RBMS2: variants seen among roughly 807,000 people sequenced by gnomAD.
The protein encoded by RBMS2 is RNA binding motif single stranded interacting protein 2.
RBMS2 carries 38 observed loss-of-function variants against 58.4 expected under a neutral mutation model. The ratio of observed to expected loss-of-function variants is 0.65; its 90% CI spans 0.50 to 0.85. The LOEUF (loss-of-function observed/expected upper bound fraction) is 0.85, where lower values mean the gene tolerates loss of function less well. Ranked by LOEUF, RBMS2 falls within the 40% of genes least tolerant of loss-of-function variation. RBMS2 has a pLI of 0.00. For missense variants in RBMS2, 367 were observed against 503.7 expected (o/e 0.73, Z 2.60); for synonymous variants, 151 against 180.7 (o/e 0.84, Z 1.32).
At chr12:56,575,352 A>G (rs1222839530) in intron 5 of RBMS2, among the ~76,000 whole-genome samples, 1 of 151,954 alleles carries the variant, frequency 6.6e-6, no homozygotes, top group African/African-American at 2.4e-5. Context: ...TGGGAGGATC[A>G]CCTGAGCCCA....
In RBMS2 at chr12:56,594,522, T is replaced by C. The variant is rs1885560946; in HGVS notation, c.*5389T>C. ...CCTGATTCCCGTTTAAACCAACTAC[T>C]CTATTTCTGTGCTGCCTACATTTTC... On this transcript the variant is annotated 3_prime_UTR_variant, in exon 14 of 14. Transcript: ENST00000262031. 6.6e-6 allele frequency: 1 copy of C among 152,192 alleles called. No individual in the cohort carries two copies. Among genetic ancestry groups the C allele is most frequent in the Non-Finnish European group, 1.5e-5 (1 of 68,036 alleles). The allele number at this position is 152,192 out of a possible 1,614,324, so 9.4% of individuals were successfully genotyped here.
At chr12:56,539,579 A>G (rs927255306) in intron 1 of RBMS2, 4 of 373,544 alleles carry the variant, frequency 1.1e-5, no homozygotes, top group African/African-American at 8.7e-5. Flanking sequence ...TCCTTTGTTC[A>G]ATTTTTGTTT....
intron 1 of RBMS2, among the ~76,000 whole-genome samples, chr12:56,551,033 A>G (rs1416864250): frequency 6.7e-6 from 1 of 148,490 alleles, no homozygotes; most frequent in Non-Finnish European, 1.5e-5. Flanking sequence ...CAGGAGGATC[A>G]CTTGAGCCCA....
chr12:56,587,769 G>A, intron 11 of RBMS2, 105 bp downstream of exon 11: 2 of 1,401,306 alleles, frequency 1.4e-6, no homozygotes, highest in Non-Finnish European at 1.9e-6. Flanking sequence ...AATTACTTCA[G>A]TGTCATCCGG....
chr12:56,562,619 C>T (rs757043537), intron 2 of RBMS2, 36 bp downstream of exon 2: 1 of 1,593,230 alleles, frequency 6.3e-7, no homozygotes, highest in Admixed American at 1.7e-5. Context: ...CTTCCAGGGA[C>T]AGTATAGATT....
rs1445847057 is a variant in RBMS2, at chr12:56,595,418, TA to T, written c.*6286del. The T allele has an allele frequency of 6.6e-6, 1 of 152,140 alleles. No individual in the cohort carries two copies. The highest frequency in any genetic ancestry group is 1.5e-5 in the Non-Finnish European group (1 of 68,022). 9.4% of individuals were successfully genotyped at this position (152,140 alleles called of 1,614,324 possible). A position where few individuals can be genotyped will look rare whatever the true frequency, so the allele number is the denominator to read the frequency against. On this transcript the variant is annotated 3_prime_UTR_variant, in exon 14 of 14. Coordinates refer to ENST00000262031, the MANE Select transcript of RBMS2 (RefSeq NM_002898.4). The stretch of plus-strand genomic sequence containing the variant: ...TATACTTAAACAGACATATTTTGCA[TA>T]TTTTTATCTGGAGACTTCTTCTAGT...
Position 56,587,423 on chromosome 12 carries a change from G to A in RBMS2, c.952-131G>A, listed in dbSNP as rs1884824443. 6 of 896,788 alleles carry A rather than the reference G, an allele frequency of 6.7e-6. No individual in the cohort carries two copies. The East Asian group carries it at 1.4e-4, about 20-fold the overall frequency. 55.6% of individuals were successfully genotyped at this position (896,788 alleles called of 1,614,324 possible). A position where few individuals can be genotyped will look rare whatever the true frequency, so the allele number is the denominator to read the frequency against. On this transcript the variant is annotated intron_variant, in intron 10 of 13. Coordinates refer to ENST00000262031, the MANE Select transcript of RBMS2 (RefSeq NM_002898.4). ...GTTCCTATTCTTGTTGCATAGTTGGGTTGCTGCTCACTTACCATTTCCCAG... is the reference window on the plus strand; with the variant it reads ...GTTCCTATTCTTGTTGCATAGTTGGATTGCTGCTCACTTACCATTTCCCAG...
At chr12:56,574,916 A>G (rs1334266354) in intron 5 of RBMS2, among the ~76,000 whole-genome samples, 2 of 152,188 alleles carry the variant, frequency 1.3e-5, no homozygotes, top group African/African-American at 4.8e-5. Context: ...TGGGAGGCCG[A>G]GGCGGGCGGA....
At position 56,595,643 on chromosome 12, in the gene RBMS2, G is replaced by A. The variant is rs1025768154; in HGVS notation, c.*6510G>A. The A allele has an allele frequency of 1.3e-5, 2 of 151,918 alleles. No homozygotes were observed. Among genetic ancestry groups the A allele is most frequent in the African/African-American group, 4.8e-5 (2 of 41,322 alleles). The allele number at this position is 151,918 out of a possible 1,614,324, so 9.4% of individuals were successfully genotyped here. ...CGTGAGTGGGAAGTGGTAAGCTGGT[G>A]ATGGTCCCATATTTGCTATGACAGG... On this transcript the variant is annotated 3_prime_UTR_variant, in exon 14 of 14. Coordinates refer to ENST00000262031, the MANE Select transcript of RBMS2 (RefSeq NM_002898.4).
chr12:56,551,931 T>C (rs977008200), intron 1 of RBMS2, among the ~76,000 whole-genome samples: 10 of 152,022 alleles, frequency 6.6e-5, no homozygotes, highest in African/African-American at 2.4e-4. Flanking sequence ...CTACTAAAAA[T>C]ACAAAACTTA....
At chr12:56,588,089 G>A (rs2136606588) in intron 11 of RBMS2, among the ~76,000 whole-genome samples, 1 of 152,270 alleles carries the variant, frequency 6.6e-6, no homozygotes, top group African/African-American at 2.4e-5. Context: ...GGAAAGAGGA[G>A]GAAAATAAGT....
chr12:56,582,008 T>C (rs1884025564), intron 8 of RBMS2, 51 bp from the exon 9 acceptor site: 2 of 1,565,418 alleles, frequency 1.3e-6, no homozygotes, highest in African/African-American at 1.4e-5. Flanking sequence ...GTTGGGACCC[T>C]TCCCTTGTGG....
intron 1 of RBMS2, among the ~76,000 whole-genome samples, chr12:56,542,561 T>C (rs1305478729): frequency 2.7e-5 from 4 of 150,814 alleles, no homozygotes; most frequent in South Asian, 2.1e-4. Flanking sequence ...TCTTTTTTTT[T>C]TTTTTTATTC....
chr12:56,535,464 C>G (rs1692129997), intron 1 of RBMS2, among the ~76,000 whole-genome samples: 2 of 138,970 alleles, frequency 1.4e-5, no homozygotes, highest in African/African-American at 5.3e-5. Context: ...CACTGCACTC[C>G]AGCCTGGGTG....
Position 56,568,983 on chromosome 12 carries a change from AG to A in RBMS2, c.243del (p.Ile82LeufsTer21), listed in dbSNP as rs760089361. 6.2e-7 allele frequency: 1 copy of A among 1,611,662 alleles called. No homozygotes were observed. The highest frequency in any genetic ancestry group is 2.2e-5 in the East Asian group (1 of 44,866). On this transcript the variant is annotated frameshift_variant, in exon 3 of 14. Transcript: ENST00000262031. LOFTEE classifies it high-confidence loss of function. Reference protein sequence around the residue: ...DLVKLCQPYGKIVSTKAILDK... With the variant: ...DLVKLCQPYGXIVSTKAILDK... Reference sequence around the variant, plus strand: ...ATTTTCCTCTCCCTTAGATATGGCAAGATTGTTTCCACTAAGGCCATACTGG... The same window carrying A: ...ATTTTCCTCTCCCTTAGATATGGCAAATTGTTTCCACTAAGGCCATACTGG...
chr12:56,537,140 T>C (rs1312218256), intron 1 of RBMS2, among the ~76,000 whole-genome samples: 2 of 151,948 alleles, frequency 1.3e-5, no homozygotes, highest in Middle Eastern at 3.2e-3. Flanking sequence ...AGGCTGGCCT[T>C]GAACTCCTGA....
At chr12:56,527,569 G>A (rs1346325976) in intron 1 of RBMS2, among the ~76,000 whole-genome samples, 3 of 151,976 alleles carry the variant, frequency 2.0e-5, no homozygotes, top group African/African-American at 4.8e-5. Context: ...CCGAGATCGC[G>A]CCATTGCACT....
Position 56,592,697 on chromosome 12 carries a change from G to A in RBMS2, c.*3564G>A, listed in dbSNP as rs1003650935. 2 of 152,200 alleles carry A rather than the reference G, an allele frequency of 1.3e-5. No individual in the cohort carries two copies. The highest frequency in any genetic ancestry group is 2.9e-5 in the Non-Finnish European group (2 of 68,094). The allele number at this position is 152,200 out of a possible 1,614,324, so 9.4% of individuals were successfully genotyped here. On this transcript the variant is annotated 3_prime_UTR_variant, in exon 14 of 14. Transcript: ENST00000262031. ...GGCTAATTTTTTTATTTTTAGTAGAGATGGGGTTTCACCATGTTGGCCAGG... is the reference window on the plus strand; with the variant it reads ...GGCTAATTTTTTTATTTTTAGTAGAAATGGGGTTTCACCATGTTGGCCAGG...
chr12:56,586,703 T>G, intron 9 of RBMS2, 146 bp from the exon 10 acceptor site: 1 of 652,676 alleles, frequency 1.5e-6, no homozygotes, highest in Non-Finnish European at 2.6e-6. Flanking sequence ...TTTTAAGAAT[T>G]GCTAATATTT....
Sources: allele counts gnomAD v4.1 joint callset (sites outside exome capture counted in the v4.1 genomes callset), GRCh38; gene constraint gnomAD v4.1.1; transcripts MANE v1.5; gene names NCBI Gene and HGNC (gene_info 2026-07-23, HGNC 2026-07-21).